RMND1: variants seen among roughly 807,000 people sequenced by gnomAD.
The protein encoded by RMND1 is required for meiotic nuclear division protein 1 homolog.
In RMND1, 41 loss-of-function variants were observed where a neutral mutation model predicts 54.0. The observed-to-expected ratio is 0.76, with a 90% CI of 0.59 to 0.98. The LOEUF (loss-of-function observed/expected upper bound fraction) is 0.98, where lower values mean the gene tolerates loss of function less well. Among genes scored for constraint, RMND1 ranks in the 50% least tolerant of loss-of-function variants. The probability of loss-of-function intolerance (pLI) is 0.00; values close to 1 mark genes in which losing one functional copy is unlikely to be tolerated. For synonymous variants in RMND1, 183 were observed against 181.7 expected (o/e 1.01, Z -0.06); for missense variants, 457 against 532.0 (o/e 0.86, Z 1.39).
chr6:151,417,245 T>C, intron 10 of RMND1, 34 bp downstream of exon 10: 1 of 1,580,262 alleles, frequency 6.3e-7, no homozygotes, highest in Non-Finnish European at 8.6e-7. Flanking sequence ...CGACAACGTG[T>C]CTTTTTCTCT....
In RMND1 at chr6:151,427,446, G is replaced by A. The variant is rs372896677; in HGVS notation, c.830+36C>T. 56 of 1,216,090 alleles carry A rather than the reference G, an allele frequency of 4.6e-5. No individual in the cohort carries two copies. The African/African-American group carries it at 7.7e-4, about 17-fold the overall frequency. The allele number at this position is 1,216,090 out of a possible 1,614,324, so 75.3% of individuals were successfully genotyped here. A position where few individuals can be genotyped will look rare whatever the true frequency, so the allele number is the denominator to read the frequency against. On this transcript the variant is annotated intron_variant, in intron 6 of 11. Coordinates refer to ENST00000444024, the MANE Select transcript of RMND1 (RefSeq NM_017909.4). ...TATTGCTTTACCTAATTTATTCCAA[G>A]TGCCCCTTTCATAAATTTGATGAAA... is the stretch of plus-strand genomic sequence containing the variant.
At chr6:151,441,974 C>T (rs1582967289) in intron 2 of RMND1, among the ~76,000 whole-genome samples, 1 of 152,152 alleles carries the variant, frequency 6.6e-6, no homozygotes, top group East Asian at 1.9e-4. Flanking sequence ...TAACTGGCGT[C>T]TGCACTAACT....
Position 151,405,042 on chromosome 6 carries a change from T to C in RMND1, c.*193A>G, listed in dbSNP as rs1779561004. On this transcript the variant is annotated 3_prime_UTR_variant, in exon 12 of 12. Coordinates refer to ENST00000444024, the MANE Select transcript of RMND1 (RefSeq NM_017909.4). Reference sequence around the variant, plus strand: ...TGCCAACACACCTGGCTAATTTTGGTATTTTTAGTAGAGATGGGGTTTCAC... The same window carrying C: ...TGCCAACACACCTGGCTAATTTTGGCATTTTTAGTAGAGATGGGGTTTCAC... 1 of 508,492 alleles carries C rather than the reference T, an allele frequency of 2.0e-6. No homozygotes were observed. The highest frequency in any genetic ancestry group is 3.7e-5 in the East Asian group (1 of 26,982). 31.5% of individuals were successfully genotyped at this position (508,492 alleles called of 1,614,324 possible).
At chr6:151,423,738 T>C in intron 6 of RMND1, 107 bp from the exon 7 acceptor site, 2 of 760,590 alleles carry the variant, frequency 2.6e-6, no homozygotes, top group African/African-American at 1.7e-5. Context: ...TGACAATTTG[T>C]ATCAAGAGTG....
intron 9 of RMND1, chr6:151,421,008 T>C (rs559117030): frequency 6.8e-4 from 242 of 355,446 alleles, no homozygotes; most frequent in Admixed American, 2.5e-3. Context: ...TTAATGTGGG[T>C]TTAATGTAGA....
intron 2 of RMND1, among the ~76,000 whole-genome samples, chr6:151,437,850 A>G (rs1479754051): frequency 6.6e-6 from 1 of 152,212 alleles, no homozygotes; most frequent in East Asian, 1.9e-4. Context: ...GTAGAGGAAT[A>G]ACAGAGAACC....
chr6:151,437,806 A>C (rs1780653977), intron 2 of RMND1, among the ~76,000 whole-genome samples: 1 of 152,122 alleles, frequency 6.6e-6, no homozygotes, highest in Admixed American at 6.5e-5. Flanking sequence ...GCCCTTCCTC[A>C]ATCTGTTCCA....
chr6:151,437,192 T>G (rs1305431865), intron 2 of RMND1, among the ~76,000 whole-genome samples: 1 of 152,182 alleles, frequency 6.6e-6, no homozygotes, highest in African/African-American at 2.4e-5. Context: ...CAATGCTGTG[T>G]TTTTTCAAAC....
intron 7 of RMND1, among the ~76,000 whole-genome samples, 169 bp downstream of exon 7, chr6:151,423,356 C>G (rs1780207664): frequency 6.6e-6 from 1 of 152,008 alleles, no homozygotes; most frequent in African/African-American, 2.4e-5. Context: ...AACTTCAGCA[C>G]AGTACTATCT....
At chr6:151,432,179 TG>T (rs1780467208) in intron 4 of RMND1, among the ~76,000 whole-genome samples, 1 of 152,124 alleles carries the variant, frequency 6.6e-6, no homozygotes, top group African/African-American at 2.4e-5. Context: ...CCTTGTGATC[TG>T]CCTGCCTCAG....
chr6:151,441,967 C>G (rs1056727591), intron 2 of RMND1, among the ~76,000 whole-genome samples: 3 of 152,180 alleles, frequency 2.0e-5, no homozygotes, highest in Admixed American at 6.5e-5. Flanking sequence ...GCTTAACTAA[C>G]TGGCGTCTGC....
At chr6:151,446,086 G>A (rs1015017665) in intron 1 of RMND1, 6 of 354,024 alleles carry the variant, frequency 1.7e-5, no homozygotes, top group East Asian at 5.4e-5. Flanking sequence ...AAAAAATAGT[G>A]ATGGGACCAC....
chr6:151,416,563 A>G (rs541031269), intron 10 of RMND1: 1 of 151,946 alleles, frequency 6.6e-6, no homozygotes, highest in Admixed American at 6.6e-5. Context: ...AGCTCGGACT[A>G]TAGGAGAATG....
chr6:151,449,629 GCCCTCT>G (rs1443895734), intron 1 of RMND1, among the ~76,000 whole-genome samples: 3 of 151,838 alleles, frequency 2.0e-5, no homozygotes, highest in East Asian at 1.9e-4. Context: ...CACACAACCA[GCCCTCT>G]CCCTCTCCCT....
At chr6:151,420,642 C>T (rs1247142024) in intron 9 of RMND1, 4 of 152,184 alleles carry the variant, frequency 2.6e-5, no homozygotes, top group African/African-American at 4.8e-5. Context: ...TTAATGGTGT[C>T]TGACAGGTGG....
At chr6:151,449,114 AC>A (rs1781050332) in intron 1 of RMND1, among the ~76,000 whole-genome samples, 1 of 147,430 alleles carries the variant, frequency 6.8e-6, no homozygotes, top group African/African-American at 2.5e-5. Context: ...CACGCCTGTA[AC>A]CCCAGCATTT....
intron 10 of RMND1, among the ~76,000 whole-genome samples, chr6:151,414,772 G>A (rs942486650): frequency 2.0e-5 from 3 of 152,098 alleles, no homozygotes; most frequent in African/African-American, 7.2e-5. Context: ...GAAAAGAAGT[G>A]AACAGAGCCT....
intron 2 of RMND1, among the ~76,000 whole-genome samples, chr6:151,442,287 A>ATAC (rs1434385957): frequency 1.3e-5 from 2 of 151,874 alleles, no homozygotes; most frequent in Non-Finnish European, 2.9e-5. Context: ...TTACACACCA[A>ATAC]TTGCCACAAA....
intron 10 of RMND1, among the ~76,000 whole-genome samples, chr6:151,406,942 T>C (rs1582937676): frequency 6.6e-6 from 1 of 152,028 alleles, no homozygotes; most frequent in Non-Finnish European, 1.5e-5. Flanking sequence ...GGAGGCGCAC[T>C]TGAGCTCAGG....
Sources: gnomAD v4.1 joint callset for allele counts (sites outside exome capture counted in the v4.1 genomes callset) on GRCh38, gnomAD v4.1.1 for gene constraint, MANE v1.5 for transcripts, NCBI Gene and HGNC (gene_info 2026-07-23, HGNC 2026-07-21) for gene names.